Variants in ITPR2 observed in about 807,000 individuals in gnomAD.
ITPR2 encodes the protein inositol 1,4,5-trisphosphate-gated calcium channel ITPR2.
Under a neutral mutation model 317.1 loss-of-function variants are expected in ITPR2, and 207 were observed. The ratio of observed to expected loss-of-function variants is 0.65; its 90% CI spans 0.58 to 0.73. The LOEUF (loss-of-function observed/expected upper bound fraction) is 0.73, where lower values mean the gene tolerates loss of function less well. Ranked by LOEUF, ITPR2 falls within the 30% of genes least tolerant of loss-of-function variation. ITPR2 has a pLI of 0.00. For missense variants in ITPR2, 2,613 were observed against 3,284.0 expected, an observed-to-expected ratio of 0.80 and a Z score of 4.99; for synonymous variants, 1,156 against 1,149.1, an observed-to-expected ratio of 1.01 and a Z score of -0.12.
At chr12:26,346,479 C>T (rs989075882) in intron 55 of ITPR2, among the ~76,000 whole-genome samples, 1 of 152,074 alleles carries the variant, frequency 6.6e-6, no homozygotes, top group Non-Finnish European at 1.5e-5. Flanking sequence ...AAAAATTAGC[C>T]AGGTGTGGTA....
chr12:26,814,654 A>G (rs1950818241), intron 1 of ITPR2, among the ~76,000 whole-genome samples: 2 of 152,148 alleles, frequency 1.3e-5, no homozygotes, highest in Admixed American at 1.3e-4. Flanking sequence ...AAAGTGGTTT[A>G]TTCTTCAAAG....
chr12:26,659,908 T>A (rs1477178383), intron 15 of ITPR2, among the ~76,000 whole-genome samples: 2 of 152,246 alleles, frequency 1.3e-5, no homozygotes, highest in African/African-American at 4.8e-5. Context: ...AATGGTAAAA[T>A]GTCATATACT....
At chr12:26,360,101 G>A (rs140989562) in intron 55 of ITPR2, among the ~76,000 whole-genome samples, 33 of 152,250 alleles carry the variant, frequency 2.2e-4, no homozygotes, top group African/African-American at 6.7e-4. Context: ...CTTTGCAAGG[G>A]CATTCTGTGG....
At chr12:26,822,503 A>T (rs1485847666) in intron 1 of ITPR2, among the ~76,000 whole-genome samples, 2 of 120,722 alleles carry the variant, frequency 1.7e-5, no homozygotes, top group African/African-American at 5.3e-5. Context: ...AGTTCATTAA[A>T]ATAGTTCTTA....
At chr12:26,757,451 G>A (rs1260532567) in intron 2 of ITPR2, among the ~76,000 whole-genome samples, 1 of 152,112 alleles carries the variant, frequency 6.6e-6, no homozygotes, top group Non-Finnish European at 1.5e-5. Context: ...CCCGACCTCA[G>A]GGGATCCGCC....
intron 53 of ITPR2, 46 bp downstream of exon 53, chr12:26,400,082 A>T (rs746063562): frequency 3.2e-6 from 5 of 1,542,734 alleles, no homozygotes; most frequent in African/African-American, 1.4e-5. Context: ...AGAAAGGTTT[A>T]AAAAAAAGAT....
intron 34 of ITPR2, among the ~76,000 whole-genome samples, chr12:26,567,937 G>GTA (rs1286302977): frequency 6.4e-4 from 40 of 62,266 alleles, no homozygotes; most frequent in African/African-American, 2.0e-3. Context: ...AAAAATTCTG[G>GTA]TATATATATA....
At chr12:26,755,720 G>A (rs1433717726) in intron 2 of ITPR2, among the ~76,000 whole-genome samples, 2 of 152,212 alleles carry the variant, frequency 1.3e-5, no homozygotes, top group East Asian at 1.9e-4. Context: ...GAAGAAACCG[G>A]TTATTTTACC....
intron 55 of ITPR2, among the ~76,000 whole-genome samples, chr12:26,370,806 C>A (rs1403664468): frequency 6.6e-6 from 1 of 152,184 alleles, no homozygotes; most frequent in East Asian, 1.9e-4. Flanking sequence ...TCCCCAGTAG[C>A]TGGGATTACA....
chr12:26,498,739 T>C (rs567332186), intron 37 of ITPR2, among the ~76,000 whole-genome samples: 1 of 152,334 alleles, frequency 6.6e-6, no homozygotes, highest in East Asian at 1.9e-4. Context: ...ATTGCACAAG[T>C]CAGCATCACT....
At chr12:26,602,284 A>T (rs1946018992) in intron 28 of ITPR2, 86 bp downstream of exon 28, 1 of 1,450,206 alleles carries the variant, frequency 6.9e-7, no homozygotes, top group Non-Finnish European at 9.4e-7. Context: ...AATAATTAAG[A>T]AAGAAAAAAT....
intron 2 of ITPR2, among the ~76,000 whole-genome samples, chr12:26,736,136 T>C (rs563683888): frequency 6.6e-6 from 1 of 152,298 alleles, no homozygotes; most frequent in Admixed American, 6.5e-5. Flanking sequence ...GGTTTTACCA[T>C]CTTTTTTGCG....
intron 32 of ITPR2, among the ~76,000 whole-genome samples, chr12:26,590,977 G>A (rs759826511): frequency 3.3e-5 from 5 of 150,976 alleles, no homozygotes; most frequent in Non-Finnish European, 7.4e-5. Context: ...CTACTCGGGA[G>A]GCTGAAGCAA....
intron 13 of ITPR2, among the ~76,000 whole-genome samples, chr12:26,672,712 G>A (rs1947810219): frequency 6.6e-6 from 1 of 152,040 alleles, no homozygotes; most frequent in Non-Finnish European, 1.5e-5. Context: ...GAGCAGAACT[G>A]AAGGAAATAG....
At chr12:26,523,407 T>TC (rs971155100) in intron 37 of ITPR2, among the ~76,000 whole-genome samples, 5 of 152,062 alleles carry the variant, frequency 3.3e-5, no homozygotes, top group Admixed American at 3.3e-4. Flanking sequence ...TAATCTTCCT[T>TC]CCCCCCACCA....
intron 34 of ITPR2, among the ~76,000 whole-genome samples, chr12:26,567,489 A>T (rs1945009474): frequency 6.6e-6 from 1 of 152,178 alleles, no homozygotes; most frequent in Non-Finnish European, 1.5e-5. Context: ...GTACAATGAA[A>T]ATTAGCAAGG....
intron 31 of ITPR2, 116 bp from the exon 32 acceptor site, chr12:26,595,706 T>A: frequency 1.2e-6 from 1 of 834,852 alleles, no homozygotes; most frequent in South Asian, 2.0e-5. Flanking sequence ...CATAGCATAG[T>A]TTTGTCTATC....
chr12:26,719,732 TC>T (rs1948801766), intron 5 of ITPR2, among the ~76,000 whole-genome samples: 1 of 152,160 alleles, frequency 6.6e-6, no homozygotes, highest in Non-Finnish European at 1.5e-5. Flanking sequence ...TAGGTATATC[TC>T]CTAATGCTAT....
chr12:26,594,228 A>T (rs1026673263), intron 32 of ITPR2, among the ~76,000 whole-genome samples: 1 of 152,114 alleles, frequency 6.6e-6, no homozygotes, highest in Non-Finnish European at 1.5e-5. Flanking sequence ...TAAAACAGGA[A>T]CTACCTCACT....
Sources: allele counts gnomAD v4.1 joint callset (sites outside exome capture counted in the v4.1 genomes callset), GRCh38; gene constraint gnomAD v4.1.1; transcripts MANE v1.5; gene names NCBI Gene and HGNC (gene_info 2026-07-23, HGNC 2026-07-21).